The following MACROD2 variants were observed in gnomAD, a reference collection of about 807,000 sequenced individuals.
MACROD2 encodes the protein ADP-ribose glycohydrolase MACROD2.
In MACROD2, 36 loss-of-function variants were observed where a neutral mutation model predicts 70.4. That is an observed-to-expected ratio of 0.51 (90% CI 0.39 to 0.68). MACROD2 has a LOEUF of 0.68. Among genes scored for constraint, MACROD2 ranks in the 30% least tolerant of loss-of-function variants. MACROD2 has a pLI of 0.00. For synonymous variants in MACROD2, 172 were observed against 178.8 expected, an observed-to-expected ratio of 0.96 and a Z score of 0.30; for missense variants, 496 against 538.4, an observed-to-expected ratio of 0.92 and a Z score of 0.78.
chr20:15,649,147 C>CTTTCT (rs1353268410), intron 8 of MACROD2, among the ~76,000 whole-genome samples: 2 of 129,156 alleles, frequency 1.5e-5, no homozygotes, highest in Non-Finnish European at 3.2e-5. Context: ...CTTCCTCTTT[C>CTTTCT]TTTCTTTTCT....
At chr20:14,515,997 T>A (rs556566799) in intron 4 of MACROD2, among the ~76,000 whole-genome samples, 1 of 147,590 alleles carries the variant, frequency 6.8e-6, no homozygotes, top group Non-Finnish European at 1.5e-5. Flanking sequence ...ATTTATTTTA[T>A]ATATTATATA....
At chr20:14,809,162 A>G (rs2072677265) in intron 5 of MACROD2, among the ~76,000 whole-genome samples, 1 of 152,236 alleles carries the variant, frequency 6.6e-6, no homozygotes, top group East Asian at 1.9e-4. Context: ...CACTTATTCT[A>G]AAATCAACCG....
Position 14,230,999 on chromosome 20 carries a change from T to A in MACROD2, c.271+145271T>A, listed in dbSNP as rs1324796213. Among the ~76,000 whole-genome samples the A allele has an allele frequency of 4.0e-5, 6 of 151,830 alleles. No homozygotes were observed. The South Asian group carries it at 1.2e-3, about 32-fold the overall frequency. ...AATATTTTGAAAGGAATCTTTTTTTTTTTTCTGAGCAGTAAGTCTCAATAG... is the reference window on the plus strand; with the variant it reads ...AATATTTTGAAAGGAATCTTTTTTTATTTTCTGAGCAGTAAGTCTCAATAG... On this transcript the variant is annotated intron_variant, in intron 3 of 17. Transcript: ENST00000684519.
intron 7 of MACROD2, among the ~76,000 whole-genome samples, chr20:15,451,050 G>A (rs377719015): frequency 3.1e-4 from 47 of 152,176 alleles, no homozygotes; most frequent in African/African-American, 9.9e-4. Context: ...TAAAAAGGTC[G>A]TATCTTCTAG....
At chr20:14,910,952 T>G (rs982408257) in intron 5 of MACROD2, among the ~76,000 whole-genome samples, 23 of 152,332 alleles carry the variant, frequency 1.5e-4, no homozygotes, top group African/African-American at 5.5e-4. Context: ...CGTATGTTAT[T>G]GAAAATTAAA....
At chr20:14,342,710 G>T (rs1263943331) in intron 3 of MACROD2, among the ~76,000 whole-genome samples, 1 of 152,108 alleles carries the variant, frequency 6.6e-6, no homozygotes, top group East Asian at 1.9e-4. Flanking sequence ...CTGTTCTTTT[G>T]TTCTGATATT....
chr20:14,431,216 T>C (rs901451510), intron 3 of MACROD2, among the ~76,000 whole-genome samples: 12 of 152,092 alleles, frequency 7.9e-5, no homozygotes, highest in East Asian at 3.8e-4. Context: ...GAGTGATAAT[T>C]ATATTTCCAG....
chr20:14,051,315 G>A (rs909342416), intron 2 of MACROD2, among the ~76,000 whole-genome samples: 1 of 152,178 alleles, frequency 6.6e-6, no homozygotes, highest in African/African-American at 2.4e-5. Context: ...AGCAACATGA[G>A]GGTAGAAGTG....
chr20:15,786,448 A>G (rs992448796), intron 8 of MACROD2, among the ~76,000 whole-genome samples: 1 of 152,230 alleles, frequency 6.6e-6, no homozygotes, highest in Non-Finnish European at 1.5e-5. Flanking sequence ...TCACATTTCT[A>G]TGTAAGCAGA....
intron 3 of MACROD2, among the ~76,000 whole-genome samples, chr20:14,303,069 G>A (rs2082489980): frequency 6.6e-6 from 1 of 152,214 alleles, no homozygotes; most frequent in Non-Finnish European, 1.5e-5. Flanking sequence ...TTCCTCTGAT[G>A]TCAGTGGAGA....
At chr20:15,402,493 G>A (rs2045944089) in intron 6 of MACROD2, among the ~76,000 whole-genome samples, 1 of 152,172 alleles carries the variant, frequency 6.6e-6, no homozygotes, top group Admixed American at 6.5e-5. Flanking sequence ...AAGGCCAGGG[G>A]ATTCATAGGG....
intron 8 of MACROD2, among the ~76,000 whole-genome samples, chr20:15,661,130 A>G (rs1440406855): frequency 6.6e-6 from 1 of 152,080 alleles, no homozygotes; most frequent in African/African-American, 2.4e-5. Context: ...TTCAGGGGAC[A>G]TCTAGTAATG....
At chr20:14,197,152 A>T (rs2081439223) in intron 3 of MACROD2, among the ~76,000 whole-genome samples, 1 of 152,262 alleles carries the variant, frequency 6.6e-6, no homozygotes, top group African/African-American at 2.4e-5. Context: ...TTTGAAATGC[A>T]TAATATCATT....
intron 5 of MACROD2, among the ~76,000 whole-genome samples, chr20:15,088,351 A>G (rs1176824223): frequency 1.4e-5 from 2 of 145,596 alleles, no homozygotes; most frequent in African/African-American, 5.0e-5. Context: ...ATAGATCAGC[A>G]TCTGCTGACT....
chr20:14,615,847 T>G (rs1425780356), intron 4 of MACROD2, among the ~76,000 whole-genome samples: 1 of 152,080 alleles, frequency 6.6e-6, no homozygotes, highest in African/African-American at 2.4e-5. Flanking sequence ...AGCAGAGAAC[T>G]GCAAAGAGCT....
At chr20:14,973,225 C>CTTTTTTTT (rs1223038135) in intron 5 of MACROD2, among the ~76,000 whole-genome samples, 27 of 85,736 alleles carry the variant, frequency 3.1e-4, no homozygotes, top group Admixed American at 9.6e-4. Flanking sequence ...TGAGTAGTTG[C>CTTTTTTTT]TTTTTTTTTT....
chr20:15,062,698 T>G (rs2075542545), intron 5 of MACROD2, among the ~76,000 whole-genome samples: 1 of 152,186 alleles, frequency 6.6e-6, no homozygotes, highest in Admixed American at 6.5e-5. Context: ...TCAGACATAG[T>G]TCCAAGCACT....
chr20:14,239,670 T>C (rs975347292), intron 3 of MACROD2, among the ~76,000 whole-genome samples: 3 of 152,182 alleles, frequency 2.0e-5, no homozygotes, highest in Non-Finnish European at 4.4e-5. Context: ...TTACACCATA[T>C]ACAAAAATCA....
chr20:14,719,093 A>G (rs1450142685), intron 5 of MACROD2, among the ~76,000 whole-genome samples: 3 of 152,054 alleles, frequency 2.0e-5, no homozygotes, highest in Admixed American at 1.3e-4. Flanking sequence ...TTAGATGGGC[A>G]TGGTGGTGTG....
Sources: allele counts gnomAD v4.1 joint callset (sites outside exome capture counted in the v4.1 genomes callset), GRCh38; gene constraint gnomAD v4.1.1; transcripts MANE v1.5; gene names NCBI Gene and HGNC (gene_info 2026-07-23, HGNC 2026-07-21).